Variants in RAVER1 observed in about 807,000 individuals in gnomAD.
RAVER1 encodes ribonucleoprotein PTB-binding 1.
RAVER1 carries 36 observed loss-of-function variants against 68.4 expected under a neutral mutation model. The ratio of observed to expected loss-of-function variants is 0.53; its 90% confidence interval spans 0.40 to 0.70. RAVER1 has a LOEUF of 0.70. RAVER1 is among the 30% of genes least tolerant of loss of function. The probability of loss-of-function intolerance (pLI) is 0.00; values close to 1 mark genes in which losing one functional copy is unlikely to be tolerated. For missense variants in RAVER1, 933 were observed against 1,019.8 expected (o/e 0.91, Z 1.16); for synonymous variants, 469 against 472.7 (o/e 0.99, Z 0.10).
Position 10,323,398 on chromosome 19 carries a change from C to A in RAVER1, c.925G>T (p.Ala309Ser), listed in dbSNP as rs780187472. The change falls in exon 4 of 13, where the codon GCT (alanine) becomes TCT (serine). Residue 309 changes from alanine to serine, a missense_variant. Transcript: ENST00000617231. The surrounding 1 kb of genome is among the most constrained non-coding windows in gnomAD (Gnocchi z 6.2). The stretch of plus-strand genomic sequence containing the variant: ...ACCGTGGCCTGGGCAGCGATGAGAG[C>A]GGCCAGCATACTGCGGCCGGGGGGC... Reference protein sequence around the residue: ...PGPPGRSMLAALIAAQATALN... With the variant: ...PGPPGRSMLASLIAAQATALN... 1 of 1,604,926 alleles carries A rather than the reference C, an allele frequency of 6.2e-7. No homozygotes were observed. Among genetic ancestry groups the A allele is most frequent in the South Asian group, 1.1e-5 (1 of 90,176 alleles).
chr19:10,322,125 CTA>C lies in RAVER1; in HGVS notation c.1174-509_1174-508del, dbSNP rs891867475. On this transcript the variant is annotated intron_variant, in intron 6 of 12. Transcript: ENST00000617231. This position sits in a 1 kb window ranked among gnomAD's most constrained non-coding sequence, Gnocchi z 4.3. ...CTTGTGTCTATATGTGTGTCTGTGTCTATGTGTGTGTCTTTGTCTTATGTCTT... is the reference window on the plus strand; with the variant it reads ...CTTGTGTCTATATGTGTGTCTGTGTCTGTGTGTGTCTTTGTCTTATGTCTT... 5.2e-4 allele frequency: 86 copies of C among 165,304 alleles called. No homozygotes were observed. The highest frequency in any genetic ancestry group is 1.6e-3 in the African/African-American group (65 of 41,718). 10.2% of individuals were successfully genotyped at this position (165,304 alleles called of 1,614,324 possible).
Position 10,322,252 on chromosome 19 carries a change from T to C in RAVER1, c.1173+393A>G. On this transcript the variant is annotated intron_variant, in intron 6 of 12. Coordinates refer to ENST00000617231, the MANE Select transcript of RAVER1 (RefSeq NM_133452.3). The surrounding 1 kb of genome is among the most constrained non-coding windows in gnomAD (Gnocchi z 4.3). ...TGTGCGTGTGTGTGTGTGCACACAC[T>C]GAGGGGATAGACCTGGAGTTTTTTC... 4.3e-6 allele frequency: 1 copy of C among 233,828 alleles called. No homozygotes were observed. Among genetic ancestry groups the C allele is most frequent in the Non-Finnish European group, 8.3e-6 (1 of 120,938 alleles). The allele number at this position is 233,828 out of a possible 1,614,324, so 14.5% of individuals were successfully genotyped here.
chr19:10,323,312 G>T lies in RAVER1; in HGVS notation c.949-38C>A, dbSNP rs778072910. 2.5e-6 allele frequency: 4 copies of T among 1,612,116 alleles called. No individual in the cohort carries two copies. Among genetic ancestry groups the T allele is most frequent in the Non-Finnish European group, 3.4e-6 (4 of 1,179,228 alleles). On this transcript the variant is annotated intron_variant, in intron 4 of 12. Coordinates refer to ENST00000617231, the MANE Select transcript of RAVER1 (RefSeq NM_133452.3). The surrounding 1 kb of genome is among the most constrained non-coding windows in gnomAD (Gnocchi z 6.2). ...ACAGAAGCAGCTCAGAGTGCCGCTGGGGCCCTGACATCCCCATGGGGCTCC... is the reference window on the plus strand; with the variant it reads ...ACAGAAGCAGCTCAGAGTGCCGCTGTGGCCCTGACATCCCCATGGGGCTCC...
intron 9 of RAVER1, 117 bp downstream of exon 9, chr19:10,320,538 C>T: frequency 1.5e-6 from 1 of 669,128 alleles, no homozygotes. Context: ...GAGACCATAT[C>T]TGGCACGTTC....
chr19:10,328,738 G>C lies in RAVER1; in HGVS notation c.660C>G (p.Ser220=). 1 of 1,612,468 alleles carries C rather than the reference G, an allele frequency of 6.2e-7. No homozygotes were observed. The highest frequency in any genetic ancestry group is 8.5e-7 in the Non-Finnish European group (1 of 1,179,668). Residue 220 remains serine, a synonymous_variant, in exon 3 of 13, where the codon TCC becomes TCG. Coordinates refer to ENST00000617231, the MANE Select transcript of RAVER1 (RefSeq NM_133452.3). The surrounding 1 kb of genome is among the most constrained non-coding windows in gnomAD (Gnocchi z 4.4). ...AGQLTPALLH[S]RCLCVDRLPP... is the part of the protein sequence containing the mutation. The stretch of plus-strand genomic sequence containing the variant: ...GCAGGCGGTCCACACAGAGGCAGCG[G>C]GAGTGGAGAAGGGCAGGCGTCAGTT...
chr19:10,319,100 G>T, intron 10 of RAVER1, 66 bp downstream of exon 10: 1 of 1,452,376 alleles, frequency 6.9e-7, no homozygotes, highest in Non-Finnish European at 9.6e-7. Context: ...AGGCTACTAA[G>T]TCATGGCACA....
rs2145088925 is a variant in RAVER1 at position 10,333,307 on chromosome 19, C to T, written c.201G>A (p.Pro67=). 1 of 1,613,804 alleles carries T rather than the reference C, an allele frequency of 6.2e-7. No homozygotes were observed. Among genetic ancestry groups the T allele is most frequent in the Non-Finnish European group, 8.5e-7 (1 of 1,179,748 alleles). The change falls in exon 1 of 13, where the codon CCG becomes CCA. Residue 67 remains proline (P), a synonymous_variant. Transcript: ENST00000617231. The surrounding 1 kb of genome is among the most constrained non-coding windows in gnomAD (Gnocchi z 4.2). ...CCAATACCTGGTTGGTCACGTCCCC[C>T]GGGAGGCCCCGGATCAGTATCTTGC... ...NRRKILIRGL[P]GDVTNQEVHD...
chr19:10,323,807 G>C lies in RAVER1; in HGVS notation c.757-241C>G, dbSNP rs190638747. 6.6e-6 allele frequency among the ~76,000 whole-genome samples: 1 copy of C among 152,278 alleles called. No individual in the cohort carries two copies. Among genetic ancestry groups the C allele is most frequent in the East Asian group, 1.9e-4 (1 of 5,190 alleles). On this transcript the variant is annotated intron_variant, in intron 3 of 12. Coordinates refer to ENST00000617231, the MANE Select transcript of RAVER1 (RefSeq NM_133452.3). This position sits in a 1 kb window ranked among gnomAD's most constrained non-coding sequence, Gnocchi z 6.2. ...GCACGGAGAGGTCAGCGCACCCAAG[G>C]CCACACAGCTGGAGGGAGGGCGGAG...
rs557840747 is a variant in RAVER1, at chr19:10,323,623, C to G, written c.757-57G>C. On this transcript the variant is annotated intron_variant, in intron 3 of 12. Coordinates refer to ENST00000617231, the MANE Select transcript of RAVER1 (RefSeq NM_133452.3). This position sits in a 1 kb window ranked among gnomAD's most constrained non-coding sequence, Gnocchi z 6.2. ...CTGGGCAGCAGTGACTGCACCACCCCGGGAAGTGACAACCGTAACCAGACT... is the reference window on the plus strand; with the variant it reads ...CTGGGCAGCAGTGACTGCACCACCCGGGGAAGTGACAACCGTAACCAGACT... 1.3e-6 allele frequency: 2 copies of G among 1,518,208 alleles called. No individual in the cohort carries two copies. The highest frequency in any genetic ancestry group is 1.8e-6 in the Non-Finnish European group (2 of 1,134,064). The allele number at this position is 1,518,208 out of a possible 1,614,324, so 94.0% of individuals were successfully genotyped here.
chr19:10,327,838 G>T (rs2040485726), intron 3 of RAVER1, among the ~76,000 whole-genome samples: 1 of 152,188 alleles, frequency 6.6e-6, no homozygotes. Context: ...CCTTCTGGGG[G>T]CTCTTAGAGA....
intron 6 of RAVER1, chr19:10,321,896 G>C: frequency 3.6e-6 from 1 of 280,066 alleles, no homozygotes. Flanking sequence ...CAGCCACACA[G>C]TGTTTCAGCC....
Position 10,321,619 on chromosome 19 carries a change from C to T in RAVER1, c.1174-1G>A. On this transcript the variant is annotated splice_acceptor_variant, in intron 6 of 12. Coordinates refer to ENST00000617231, the MANE Select transcript of RAVER1 (RefSeq NM_133452.3). LOFTEE classifies it high-confidence loss of function. Reference sequence around the variant, plus strand: ...GTGAGTCTCCCAGGATGCCGGGCTTCTAGGGACAGAGCACAGACAGTTGCA... The same window carrying T: ...GTGAGTCTCCCAGGATGCCGGGCTTTTAGGGACAGAGCACAGACAGTTGCA... 7.1e-7 allele frequency: 1 copy of T among 1,415,044 alleles called. No homozygotes were observed. Among genetic ancestry groups the T allele is most frequent in the Non-Finnish European group, 9.3e-7 (1 of 1,080,478 alleles). The allele number at this position is 1,415,044 out of a possible 1,614,324, so 87.7% of individuals were successfully genotyped here.
intron 3 of RAVER1, among the ~76,000 whole-genome samples, chr19:10,326,764 T>TTG (rs1380531800): frequency 1.3e-5 from 2 of 150,130 alleles, no homozygotes; most frequent in African/African-American, 4.9e-5. Context: ...TGTTTTTTTT[T>TTG]TTTTTTTTTT....
rs8103246 is a variant in RAVER1, at chr19:10,322,246, A to G, written c.1173+399T>C. 0.097 allele frequency: 21,513 copies of G among 222,540 alleles called. 1,388 individuals carry two copies. Among genetic ancestry groups the G allele is most frequent in the African/African-American group, 0.12 (4,951 of 42,874 alleles). 13.8% of individuals were successfully genotyped at this position (222,540 alleles called of 1,614,324 possible). A position where few individuals can be genotyped will look rare whatever the true frequency, so the allele number is the denominator to read the frequency against. ...TCTAGGTGTGCGTGTGTGTGTGTGC[A>G]CACACTGAGGGGATAGACCTGGAGT... On this transcript the variant is annotated intron_variant, in intron 6 of 12. Coordinates refer to ENST00000617231, the MANE Select transcript of RAVER1 (RefSeq NM_133452.3). This position sits in a 1 kb window ranked among gnomAD's most constrained non-coding sequence, Gnocchi z 4.3.
Position 10,321,217 on chromosome 19 carries a change from G to A in RAVER1, c.1304C>T (p.Pro435Leu). 1 of 1,273,500 alleles carries A rather than the reference G, an allele frequency of 7.9e-7. No individual in the cohort carries two copies. The highest frequency in any genetic ancestry group is 9.9e-7 in the Non-Finnish European group (1 of 1,006,332). 78.9% of individuals were successfully genotyped at this position (1,273,500 alleles called of 1,614,324 possible). Residue 435 changes from proline to leucine, a missense_variant, in exon 8 of 13, where the codon CCA becomes CTA. Pro to Leu is a moderately conservative substitution (Grantham distance 98). Coordinates refer to ENST00000617231, the MANE Select transcript of RAVER1 (RefSeq NM_133452.3). ...PPELPPRRGK[P>L]PPLLPSVLGP... ...AAGCACGGATGGCAGCAGGGGTGGTGGCTTCCCTCGCCGGGGCGGCAGCTC... is the reference window on the plus strand; with the variant it reads ...AAGCACGGATGGCAGCAGGGGTGGTAGCTTCCCTCGCCGGGGCGGCAGCTC...
Position 10,318,305 on chromosome 19 carries a change from T to C in RAVER1, c.1913A>G (p.His638Arg), listed in dbSNP as rs757350317. Reference protein sequence around the residue: ...SGGSGGGPLSHFYSGSPTSYF... With the variant: ...SGGSGGGPLSRFYSGSPTSYF... The stretch of plus-strand genomic sequence containing the variant: ...GGAAGTGGGCGAGCCTGAATAGAAG[T>C]GAGACAGGGGGCCCCCGCCACTCCC... Residue 638 changes from histidine (H) to arginine (R), a missense_variant, in exon 11 of 13, where the codon CAC becomes CGC. His to Arg is a conservative substitution (Grantham distance 29). Coordinates refer to ENST00000617231, the MANE Select transcript of RAVER1 (RefSeq NM_133452.3). The C allele has an allele frequency of 1.3e-6, 2 of 1,591,126 alleles. No homozygotes were observed. The highest frequency in any genetic ancestry group is 2.7e-5 in the African/African-American group (2 of 73,622).
chr19:10,328,953 C>G lies in RAVER1; in HGVS notation c.445G>C (p.Glu149Gln), dbSNP rs376930823. Residue 149 changes from glutamate (E) to glutamine (Q), a missense_variant, in exon 3 of 13, where the codon GAG becomes CAG. Physicochemically the swap from Glu to Gln is conservative, Grantham distance 29 (BLOSUM62 2). Around this residue, in one of 3 missense-constraint regions of RAVER1, gnomAD observed 211 missense variants for 230.0 expected, o/e 0.92. Coordinates refer to ENST00000617231, the MANE Select transcript of RAVER1 (RefSeq NM_133452.3). This position sits in a 1 kb window ranked among gnomAD's most constrained non-coding sequence, Gnocchi z 4.4. ...CTGCCGAAGGGCCGCACCAGCTCCT[C>G]GAACTGCTGCTGTGTGAGGCTGGGG... ...LPPSLTQQQF[E>Q]ELVRPFGSLE... is the part of the protein sequence containing the mutation. 1.9e-6 allele frequency: 3 copies of G among 1,605,970 alleles called. No individual in the cohort carries two copies. Among genetic ancestry groups the G allele is most frequent in the Non-Finnish European group, 1.7e-6 (2 of 1,174,856 alleles).
rs769197128 is a variant in RAVER1, at chr19:10,318,329, C to T, written c.1889G>A (p.Gly630Glu). ...PSGFGERSSG[G>E]SGGGPLSHFY... ...GTGAGACAGGGGGCCCCCGCCACTC[C>T]CACCGCTGCTCCGTTCGCCGAAGCC... Residue 630 changes from glycine to glutamate, a missense_variant, in exon 11 of 13, where the codon GGG becomes GAG. By Grantham distance (98) the Gly-to-Glu change is moderately conservative. Around this residue, in one of 3 missense-constraint regions of RAVER1, gnomAD observed 699 missense variants for 731.1 expected, o/e 0.96. Transcript: ENST00000617231. 3.7e-6 allele frequency: 6 copies of T among 1,604,214 alleles called. No homozygotes were observed. The South Asian group carries it at 5.6e-5, about 15-fold the overall frequency.
At chr19:10,325,826 G>A (rs1205556830) in intron 3 of RAVER1, among the ~76,000 whole-genome samples, 3 of 151,888 alleles carry the variant, frequency 2.0e-5, no homozygotes, top group East Asian at 1.9e-4. Flanking sequence ...GTGAATGTTC[G>A]AGTGGAGGAA....
Sources: gnomAD v4.1 joint callset for allele counts (sites outside exome capture counted in the v4.1 genomes callset) on GRCh38, gnomAD v4.1.1 for gene constraint, gnomAD v4.1.1 regional missense constraint, Gnocchi (gnomAD v3.1) non-coding constraint, MANE v1.5 for transcripts, NCBI Gene and HGNC (gene_info 2026-07-23, HGNC 2026-07-21) for gene names.